The following OSBP2 variants were observed in gnomAD, a reference collection of about 807,000 sequenced individuals.
OSBP2 encodes oxysterol-binding protein 2.
A neutral mutation model predicts 96.0 loss-of-function variants in OSBP2; 66 were observed. That is an observed-to-expected ratio of 0.69 (90% CI 0.56 to 0.84). OSBP2 has a LOEUF of 0.84. OSBP2 is among the 40% of genes least tolerant of loss of function. The pLI, the probability that OSBP2 is intolerant of heterozygous loss-of-function variation, is 0.00. For missense variants in OSBP2, 1,038 were observed against 1,222.7 expected (o/e 0.85, Z 2.25); for synonymous variants, 525 against 520.9 (o/e 1.01, Z -0.11).
chr22:30,810,731 C>T (rs370739153), intron 2 of OSBP2, among the ~76,000 whole-genome samples: 46 of 152,296 alleles, frequency 3.0e-4, no homozygotes, highest in Admixed American at 2.6e-4. Flanking sequence ...AATTGTGCCA[C>T]GGGTGCGCCA....
intron 2 of OSBP2, chr22:30,764,314 G>A (rs960372299): frequency 4.1e-6 from 4 of 985,072 alleles, no homozygotes; most frequent in African/African-American, 1.7e-5. Context: ...TTGGGTGGCT[G>A]GTGGCCCTAG....
Position 30,907,658 on chromosome 22 carries a change from G to A in OSBP2, c.*1319G>A, listed in dbSNP as rs898222284. The A allele has an allele frequency of 2.0e-5, 3 of 152,548 alleles. No homozygotes were observed. Among genetic ancestry groups the A allele is most frequent in the Admixed American group, 1.3e-4 (2 of 15,278 alleles). The allele number at this position is 152,548 out of a possible 1,614,324, so 9.4% of individuals were successfully genotyped here. A position where few individuals can be genotyped will look rare whatever the true frequency, so the allele number is the denominator to read the frequency against. ...AAAAAAAAAAAGTGAAAACACCAAT[G>A]TGTGAAATGCCTTACAATGCCCACT... On this transcript the variant is annotated 3_prime_UTR_variant, in exon 14 of 14. Transcript: ENST00000332585.
At chr22:30,821,039 T>C (rs190008998) in intron 2 of OSBP2, among the ~76,000 whole-genome samples, 42 of 152,348 alleles carry the variant, frequency 2.8e-4, no homozygotes, top group African/African-American at 9.9e-4. Flanking sequence ...TCAATTCCTT[T>C]GCTTGAGCTC....
At chr22:30,819,180 C>A (rs6518716) in intron 2 of OSBP2, among the ~76,000 whole-genome samples, 1 of 152,092 alleles carries the variant, frequency 6.6e-6, no homozygotes, top group Non-Finnish European at 1.5e-5. Context: ...ACTAAAACTA[C>A]GAAAATTAGC....
chr22:30,781,869 C>T (rs139859779), intron 2 of OSBP2, among the ~76,000 whole-genome samples: 6 of 152,304 alleles, frequency 3.9e-5, no homozygotes, highest in East Asian at 1.9e-4. Flanking sequence ...GTCATAGACT[C>T]GGCACAGTGG....
chr22:30,787,853 G>C (rs1450763264), intron 2 of OSBP2, among the ~76,000 whole-genome samples: 5 of 152,148 alleles, frequency 3.3e-5, no homozygotes, highest in Non-Finnish European at 7.3e-5. Flanking sequence ...CCTTGGAGGG[G>C]TGTTAGCTGG....
intron 1 of OSBP2, among the ~76,000 whole-genome samples, chr22:30,724,617 T>G (rs2145709849): frequency 6.6e-6 from 1 of 152,338 alleles, no homozygotes; most frequent in Middle Eastern, 3.4e-3. Context: ...GTTCAGTCAC[T>G]GAAGGACATT....
chr22:30,771,892 T>C (rs1462118858), intron 2 of OSBP2, among the ~76,000 whole-genome samples: 1 of 152,218 alleles, frequency 6.6e-6, no homozygotes, highest in Admixed American at 6.5e-5. Flanking sequence ...GAGCCAGCTC[T>C]CCTTCCATGG....
intron 2 of OSBP2, among the ~76,000 whole-genome samples, chr22:30,816,077 C>G (rs2091080332): frequency 6.6e-6 from 1 of 152,078 alleles, no homozygotes; most frequent in Non-Finnish European, 1.5e-5. Flanking sequence ...GTGAACATGT[C>G]AGCTGCACTG....
Position 30,695,121 on chromosome 22 carries a change from A to G in OSBP2, c.212A>G (p.Glu71Gly). ...GGACCGCTGTCAGAACAGGTGTCGG[A>G]GGCAGTTTCGGAGGCAGTGCCAAGA... ...ERGPLSEQVSEAVSEAVPRSE... is the reference protein window; with the variant it reads ...ERGPLSEQVSGAVSEAVPRSE... Residue 71 changes from glutamate to glycine, a missense_variant, in exon 1 of 14, where the codon GAG (glutamate) becomes GGG (glycine). Coordinates refer to ENST00000332585, the MANE Select transcript of OSBP2 (RefSeq NM_030758.4). 6.3e-7 allele frequency: 1 copy of G among 1,596,200 alleles called. No individual in the cohort carries two copies. The highest frequency in any genetic ancestry group is 8.5e-7 in the Non-Finnish European group (1 of 1,170,082).
chr22:30,795,465 C>T (rs2090743948), intron 2 of OSBP2, among the ~76,000 whole-genome samples: 2 of 151,154 alleles, frequency 1.3e-5, no homozygotes, highest in Non-Finnish European at 2.9e-5. Context: ...TTTATGCACT[C>T]TTCTATCTTT....
intron 2 of OSBP2, among the ~76,000 whole-genome samples, chr22:30,762,008 C>T (rs1203707268): frequency 6.6e-6 from 1 of 151,888 alleles, no homozygotes; most frequent in South Asian, 2.1e-4. Context: ...ATCACTTGAG[C>T]CCAGGAGTTC....
intron 2 of OSBP2, among the ~76,000 whole-genome samples, chr22:30,762,656 G>C (rs2090220867): frequency 6.6e-6 from 1 of 152,222 alleles, no homozygotes; most frequent in Non-Finnish European, 1.5e-5. Flanking sequence ...CAGCCAGCGT[G>C]AATGCTGTAC....
intron 3 of OSBP2, among the ~76,000 whole-genome samples, chr22:30,875,321 G>A (rs1056793292): frequency 8.6e-5 from 13 of 152,018 alleles, no homozygotes; most frequent in African/African-American, 2.4e-4. Flanking sequence ...CGCCACACTG[G>A]GCTCCAGCCT....
At chr22:30,744,147 C>T (rs2089972251) in intron 2 of OSBP2, among the ~76,000 whole-genome samples, 5 of 152,148 alleles carry the variant, frequency 3.3e-5, no homozygotes, top group Admixed American at 3.3e-4. Context: ...AGATTGGGAC[C>T]ACCTGATTAT....
At chr22:30,872,846 G>C (rs532821417) in intron 3 of OSBP2, among the ~76,000 whole-genome samples, 1 of 152,200 alleles carries the variant, frequency 6.6e-6, no homozygotes, top group Non-Finnish European at 1.5e-5. Context: ...GGCTGTTTGC[G>C]TGGCTCTCAG....
chr22:30,837,336 G>C (rs559658143), intron 2 of OSBP2, among the ~76,000 whole-genome samples: 5 of 152,060 alleles, frequency 3.3e-5, no homozygotes, highest in Non-Finnish European at 7.4e-5. Context: ...GTTCCACTGG[G>C]GGTAGAGAAG....
intron 2 of OSBP2, among the ~76,000 whole-genome samples, chr22:30,744,644 C>T (rs1372594757): frequency 6.6e-6 from 1 of 152,040 alleles, no homozygotes; most frequent in African/African-American, 2.4e-5. Flanking sequence ...GCCTGTAGTC[C>T]CAGCTACTTG....
At chr22:30,860,947 C>T (rs955835655) in intron 2 of OSBP2, among the ~76,000 whole-genome samples, 7 of 152,266 alleles carry the variant, frequency 4.6e-5, no homozygotes, top group African/African-American at 7.2e-5. Context: ...GACAGCCGAG[C>T]GAAGTATGCA....
Sources: gnomAD v4.1 joint callset for allele counts (sites outside exome capture counted in the v4.1 genomes callset) on GRCh38, gnomAD v4.1.1 for gene constraint, MANE v1.5 for transcripts, NCBI Gene and HGNC (gene_info 2026-07-23, HGNC 2026-07-21) for gene names.